The following NRXN3 variants were observed in gnomAD, a reference collection of about 807,000 sequenced individuals.
NRXN3 encodes neurexin 3, also known as neurexin III.
NRXN3 carries 32 observed loss-of-function variants against 137.6 expected under a neutral mutation model. That is an observed-to-expected ratio of 0.23 (90% CI 0.18 to 0.31). The LOEUF (loss-of-function observed/expected upper bound fraction) is 0.31, where lower values mean the gene tolerates loss of function less well. Among genes scored for constraint, NRXN3 ranks in the 10% least tolerant of loss-of-function variants. The pLI is 1.00. For missense variants in NRXN3, 1,574 were observed against 2,062.5 expected, an observed-to-expected ratio of 0.76 and a Z score of 4.59; for synonymous variants, 798 against 784.5, an observed-to-expected ratio of 1.02 and a Z score of -0.29.
At position 78,183,229 on chromosome 14, in the gene NRXN3, G is replaced by A. The variant is rs2059966311; in HGVS notation, c.-704+12555G>A. On this transcript the variant is annotated intron_variant, in intron 1 of 20. Coordinates refer to ENST00000335750, the MANE Select transcript of NRXN3 (RefSeq NM_001330195.2). Reference sequence around the variant, plus strand: ...TGGTCTGCTGGCCCTGGAAACCCTAGTAAATGACTTTTTCAGGTAATACCC... The same window carrying A: ...TGGTCTGCTGGCCCTGGAAACCCTAATAAATGACTTTTTCAGGTAATACCC... Among the ~76,000 whole-genome samples, 3 of 152,170 alleles carry A rather than the reference G, an allele frequency of 2.0e-5. No individual in the cohort carries two copies. The South Asian group carries it at 6.2e-4, about 32-fold the overall frequency.
chr14:79,382,405 G>A (rs1180498378), intron 15 of NRXN3, among the ~76,000 whole-genome samples: 1 of 152,166 alleles, frequency 6.6e-6, no homozygotes, highest in Non-Finnish European at 1.5e-5. Context: ...GAGGGGCTAT[G>A]TCCAGATAAG....
At chr14:78,862,568 G>T (rs572722536) in intron 10 of NRXN3, among the ~76,000 whole-genome samples, 1 of 151,888 alleles carries the variant, frequency 6.6e-6, no homozygotes, top group Admixed American at 6.6e-5. Flanking sequence ...TCTCTAATTC[G>T]TATTTATATA....
chr14:78,243,415 A>G lies in NRXN3; in HGVS notation c.322A>G (p.Ser108Gly). 6.4e-7 allele frequency: 1 copy of G among 1,567,918 alleles called. No individual in the cohort carries two copies. Among genetic ancestry groups the G allele is most frequent in the African/African-American group, 1.3e-5 (1 of 74,382 alleles). The stretch of plus-strand genomic sequence containing the variant: ...GTCCAACAAGCAGGTGAATGACAGC[A>G]GCTGGCACTTCCTCATGGTGAGCCG... ...VLSNKQVNDS[S>G]WHFLMVSRDR... The change falls in exon 2 of 21, where the codon AGC becomes GGC. Residue 108 changes from serine (S) to glycine (G), a missense_variant. Ser to Gly is a moderately conservative substitution (Grantham distance 56). Coordinates refer to ENST00000335750, the MANE Select transcript of NRXN3 (RefSeq NM_001330195.2). This position sits in a 1 kb window ranked among gnomAD's most constrained non-coding sequence, Gnocchi z 4.2.
At chr14:79,133,191 T>C (rs1027582552) in intron 15 of NRXN3, among the ~76,000 whole-genome samples, 11 of 152,234 alleles carry the variant, frequency 7.2e-5, no homozygotes, top group African/African-American at 2.7e-4. Context: ...TATTGTCTTT[T>C]TCAGTTTTTA....
intron 3 of NRXN3, among the ~76,000 whole-genome samples, chr14:78,297,111 G>A: frequency 6.6e-6 from 1 of 152,140 alleles, no homozygotes; most frequent in Non-Finnish European, 1.5e-5. Context: ...TAACCATTCA[G>A]TGCTTGGCTA....
intron 4 of NRXN3, among the ~76,000 whole-genome samples, chr14:78,560,745 G>C (rs1005566362): frequency 2.0e-5 from 3 of 152,164 alleles, no homozygotes; most frequent in Non-Finnish European, 4.4e-5. Flanking sequence ...TGGAACCTGG[G>C]GGAAAAGAGT....
chr14:79,415,311 G>T (rs2153522166), intron 15 of NRXN3, among the ~76,000 whole-genome samples: 1 of 151,928 alleles, frequency 6.6e-6, no homozygotes, highest in East Asian at 1.9e-4. Context: ...AAAAATATTT[G>T]AAAAAAATGT....
chr14:79,479,978 A>G (rs2096592684), intron 16 of NRXN3, among the ~76,000 whole-genome samples: 1 of 152,238 alleles, frequency 6.6e-6, no homozygotes, highest in African/African-American at 2.4e-5. Flanking sequence ...ATGCCATATC[A>G]GAAGTCCTCA....
rs1299700298 is a variant in NRXN3 at position 78,242,375 on chromosome 14, C to T, written c.-703-16C>T. 6.6e-6 allele frequency: 1 copy of T among 152,318 alleles called. No individual in the cohort carries two copies. Among genetic ancestry groups the T allele is most frequent in the Non-Finnish European group, 1.5e-5 (1 of 68,112 alleles). The allele number at this position is 152,318 out of a possible 1,614,324, so 9.4% of individuals were successfully genotyped here. A position where few individuals can be genotyped will look rare whatever the true frequency, so the allele number is the denominator to read the frequency against. On this transcript the variant is annotated splice_polypyrimidine_tract_variant and intron_variant, in intron 1 of 20. Transcript: ENST00000335750. ...TCCTAATCTTCCTCTCCTTCTCCCT[C>T]CCCCTCTTCCCACAGGTCTTTTCTC...
intron 1 of NRXN3, among the ~76,000 whole-genome samples, chr14:78,211,303 C>T (rs746022400): frequency 1.5e-4 from 23 of 152,174 alleles, no homozygotes; most frequent in Non-Finnish European, 2.4e-4. Context: ...TTGTGGGTGG[C>T]ACACACAGAA....
intron 16 of NRXN3, among the ~76,000 whole-genome samples, chr14:79,498,877 T>C (rs1244252821): frequency 1.3e-5 from 2 of 152,202 alleles, no homozygotes; most frequent in African/African-American, 4.8e-5. Context: ...CTCAAACTCC[T>C]AGAGTCAAGT....
At chr14:79,018,512 T>C (rs946114001) in intron 15 of NRXN3, among the ~76,000 whole-genome samples, 2 of 152,038 alleles carry the variant, frequency 1.3e-5, no homozygotes, top group African/African-American at 4.8e-5. Flanking sequence ...TGATAAGAAT[T>C]TTACCATTAT....
At chr14:79,794,987 T>G (rs1020639559) in intron 19 of NRXN3, among the ~76,000 whole-genome samples, 4 of 152,174 alleles carry the variant, frequency 2.6e-5, no homozygotes, top group Admixed American at 1.3e-4. Flanking sequence ...TTCAAGATGG[T>G]AAGAGCAGAG....
At chr14:78,512,188 CAGACATGTAAGTCATGTAAGTA>C (rs1384629770) in intron 4 of NRXN3, among the ~76,000 whole-genome samples, 9 of 152,096 alleles carry the variant, frequency 5.9e-5, no homozygotes, top group Admixed American at 5.9e-4. Context: ...AGTCAGTCAC[CAGACATGTAAGTCATGTAAGTA>C]AGACCATCCT....
intron 4 of NRXN3, among the ~76,000 whole-genome samples, chr14:78,356,391 A>G (rs535209152): frequency 1.3e-5 from 2 of 152,254 alleles, no homozygotes; most frequent in African/African-American, 4.8e-5. Flanking sequence ...TCAAACATCC[A>G]CAAGGAACCA....
rs2098436565 is a variant in NRXN3 at position 79,642,186 on chromosome 14, C to A, written c.3445-21592C>A. 1.5e-5 allele frequency among the ~76,000 whole-genome samples: 2 copies of A among 135,374 alleles called. 1 individual carries two copies. The highest frequency in any genetic ancestry group is 4.9e-5 in the African/African-American group (2 of 40,718). 88.8% of individuals were successfully genotyped at this position (135,374 alleles called of 152,430 possible). Reference sequence around the variant, plus strand: ...CCTGACTCCTGCAGAGCACAGAGACCATTCTTGTCTCCAATAGCAACACTC... The same window carrying A: ...CCTGACTCCTGCAGAGCACAGAGACAATTCTTGTCTCCAATAGCAACACTC... On this transcript the variant is annotated intron_variant, in intron 16 of 20. Coordinates refer to ENST00000335750, the MANE Select transcript of NRXN3 (RefSeq NM_001330195.2).
chr14:79,180,864 A>G (rs2062846431), intron 15 of NRXN3, among the ~76,000 whole-genome samples: 3 of 152,178 alleles, frequency 2.0e-5, no homozygotes, highest in Non-Finnish European at 4.4e-5. Context: ...TACTACAGTC[A>G]TATACAATCT....
chr14:79,716,599 C>T (rs178386), intron 19 of NRXN3, among the ~76,000 whole-genome samples: 138,200 of 152,028 alleles, frequency 0.91, 62,889 homozygotes, highest in African/African-American at 0.95. Context: ...GTGGAAACTG[C>T]GGAGTTCAGT....
intron 15 of NRXN3, among the ~76,000 whole-genome samples, chr14:79,401,691 C>A (rs1250802074): frequency 6.6e-6 from 1 of 151,948 alleles, no homozygotes; most frequent in Non-Finnish European, 1.5e-5. Context: ...CAGCTTTATC[C>A]AGAGATGTGC....
Sources: gnomAD v4.1 joint callset for allele counts (sites outside exome capture counted in the v4.1 genomes callset) on GRCh38, gnomAD v4.1.1 for gene constraint, Gnocchi (gnomAD v3.1) non-coding constraint, MANE v1.5 for transcripts, NCBI Gene and HGNC (gene_info 2026-07-23, HGNC 2026-07-21) for gene names.